The following XYLT1 variants were observed in gnomAD, a reference collection of about 807,000 sequenced individuals.
XYLT1 encodes the protein xylosyltransferase 1.
In XYLT1, 36 loss-of-function variants were observed where a neutral mutation model predicts 91.3. The observed-to-expected ratio is 0.39, with a 90% confidence interval of 0.30 to 0.52. The LOEUF (loss-of-function observed/expected upper bound fraction) is 0.52. Among genes scored for constraint, XYLT1 ranks in the 20% least tolerant of loss-of-function variants. XYLT1 has a pLI of 0.68. For synonymous variants in XYLT1, 588 were observed against 532.0 expected (o/e 1.11, Z -1.45); for missense variants, 1,242 against 1,284.5 (o/e 0.97, Z 0.51).
rs571526104 is a variant in XYLT1 at position 17,427,374 on chromosome 16, C to T, written c.363+43060G>A. Among the ~76,000 whole-genome samples the T allele has an allele frequency of 2.2e-4, 33 of 152,356 alleles. No homozygotes were observed. The South Asian group carries it at 5.8e-3, about 27-fold the overall frequency. ...TGTGCAGTGGTGCGATCTCGCCTCA[C>T]GGCAGCCTCCCAGGCTTAAGCAATC... On this transcript the variant is annotated intron_variant, in intron 1 of 11. Coordinates refer to ENST00000261381, the MANE Select transcript of XYLT1 (RefSeq NM_022166.4).
intron 1 of XYLT1, among the ~76,000 whole-genome samples, chr16:17,430,557 C>A (rs1596541830): frequency 6.6e-6 from 1 of 152,316 alleles, no homozygotes; most frequent in Middle Eastern, 3.4e-3. Context: ...AGGCCCATTC[C>A]TGGAGGGGCC....
intron 5 of XYLT1, among the ~76,000 whole-genome samples, chr16:17,162,133 T>G (rs2031569829): frequency 6.6e-6 from 1 of 152,066 alleles, no homozygotes; most frequent in Admixed American, 6.6e-5. Context: ...TTTGGCTGGG[T>G]GTGGTAGCTC....
chr16:17,125,440 T>A (rs2030226222), intron 10 of XYLT1, among the ~76,000 whole-genome samples: 1 of 152,168 alleles, frequency 6.6e-6, no homozygotes, highest in Non-Finnish European at 1.5e-5. Context: ...GAGGCCTCTT[T>A]CCTACCAGTT....
chr16:17,235,889 C>CA (rs1256841520), intron 3 of XYLT1, among the ~76,000 whole-genome samples: 1 of 152,136 alleles, frequency 6.6e-6, no homozygotes, highest in Admixed American at 6.5e-5. Context: ...ATTATTGAGA[C>CA]AGAGTCTTGC....
Position 17,198,398 on chromosome 16 carries a change from T to A in XYLT1, c.1103A>T (p.His368Leu), listed in dbSNP as rs760529631. ...CCTGGAGACCTGGAGCACTTGCCGA[T>A]GCAGGTAATTAGAGCGCTTTTCCCA... ...IHVDKRSNYL[H>L]RQVLQVSRQY... The change falls in exon 5 of 12, where the codon CAT becomes CTT. Residue 368 changes from histidine to leucine, a missense_variant. His to Leu is a moderately conservative substitution (Grantham distance 99). Coordinates refer to ENST00000261381, the MANE Select transcript of XYLT1 (RefSeq NM_022166.4). The A allele has an allele frequency of 6.2e-7, 1 of 1,614,144 alleles. No individual in the cohort carries two copies. The highest frequency in any genetic ancestry group is 1.1e-5 in the South Asian group (1 of 91,078).
At position 17,385,531 on chromosome 16, in the gene XYLT1, C is replaced by A. The variant is rs534355395; in HGVS notation, c.364-27481G>T. 4.7e-4 allele frequency among the ~76,000 whole-genome samples: 72 copies of A among 151,992 alleles called. 3 individuals are homozygous for A. The South Asian group carries it at 0.014, about 29-fold the overall frequency. On this transcript the variant is annotated intron_variant, in intron 1 of 11. Transcript: ENST00000261381. ...AAAATTTGCAAATGCATTTTTGACA[C>A]AATACACGGTATTCTGTAACGTTTC...
At chr16:17,119,121 T>G (rs1252517792) in intron 10 of XYLT1, among the ~76,000 whole-genome samples, 1 of 152,216 alleles carries the variant, frequency 6.6e-6, no homozygotes. Context: ...AAGCTCTGTG[T>G]GAACAGGGGT....
intron 10 of XYLT1, among the ~76,000 whole-genome samples, chr16:17,123,265 T>C (rs185160417): frequency 2.5e-4 from 38 of 152,342 alleles, no homozygotes; most frequent in African/African-American, 8.7e-4. Context: ...GCAGTTTTCC[T>C]TGTAGAGGTC....
At chr16:17,125,843 C>T (rs2030242694) in intron 10 of XYLT1, among the ~76,000 whole-genome samples, 1 of 152,166 alleles carries the variant, frequency 6.6e-6, no homozygotes, top group African/African-American at 2.4e-5. Context: ...ACAATCCCTC[C>T]TGAACCTGGC....
intron 3 of XYLT1, among the ~76,000 whole-genome samples, chr16:17,256,608 C>A (rs910544188): frequency 2.0e-4 from 30 of 151,158 alleles, no homozygotes; most frequent in African/African-American, 7.3e-4. Context: ...CGAGATCATG[C>A]CACTGCACTC....
At chr16:17,379,763 T>TCTCACACACACACACACA (rs373354877) in intron 1 of XYLT1, among the ~76,000 whole-genome samples, 1 of 125,544 alleles carries the variant, frequency 8.0e-6, no homozygotes, top group Admixed American at 8.0e-5. Flanking sequence ...TCTCTCTCTC[T>TCTCACACACACACACACA]CACACACACA....
chr16:17,281,391 T>C (rs977865476), intron 2 of XYLT1, among the ~76,000 whole-genome samples: 2 of 152,320 alleles, frequency 1.3e-5, no homozygotes, highest in South Asian at 2.1e-4. Flanking sequence ...CTGTGGACCC[T>C]GCTCCCACCA....
At chr16:17,276,058 G>GGA (rs1293282858) in intron 2 of XYLT1, among the ~76,000 whole-genome samples, 2 of 152,176 alleles carry the variant, frequency 1.3e-5, no homozygotes, top group African/African-American at 4.8e-5. Context: ...TTTGGGGTGG[G>GGA]GAGAGAGAGA....
At chr16:17,272,317 C>T (rs940891432) in intron 2 of XYLT1, among the ~76,000 whole-genome samples, 1 of 151,922 alleles carries the variant, frequency 6.6e-6, no homozygotes, top group African/African-American at 2.4e-5. Context: ...TGCGCATCAC[C>T]ATGCCCGGCT....
chr16:17,422,504 A>G (rs535140620), intron 1 of XYLT1, among the ~76,000 whole-genome samples: 1 of 148,666 alleles, frequency 6.7e-6, no homozygotes, highest in Admixed American at 6.7e-5. Context: ...TGGCCCACAA[A>G]TTTTACTTTA....
intron 11 of XYLT1, among the ~76,000 whole-genome samples, chr16:17,110,859 GC>G (rs1219114572): frequency 6.6e-6 from 1 of 152,082 alleles, no homozygotes; most frequent in Non-Finnish European, 1.5e-5. Flanking sequence ...TTTCACTCAT[GC>G]AAAAATTCAA....
chr16:17,450,877 A>G (rs1320660181), intron 1 of XYLT1, among the ~76,000 whole-genome samples: 1 of 152,170 alleles, frequency 6.6e-6, no homozygotes, highest in Non-Finnish European at 1.5e-5. Flanking sequence ...TCAAAATCAA[A>G]CACCTTAGGA....
chr16:17,391,049 AAC>A (rs1417120545), intron 1 of XYLT1, among the ~76,000 whole-genome samples: 1 of 152,094 alleles, frequency 6.6e-6, no homozygotes, highest in African/African-American at 2.4e-5. Context: ...AAAGAAAAAA[AAC>A]AAAAACAAAC....
rs1035421628 is a variant in XYLT1, at chr16:17,360,082, G to A, written c.364-2032C>T. Among the ~76,000 whole-genome samples the A allele has an allele frequency of 7.9e-5, 12 of 152,100 alleles. 1 individual carries two copies. The highest frequency in any genetic ancestry group is 1.0e-4 in the Non-Finnish European group (7 of 68,026). The stretch of plus-strand genomic sequence containing the variant: ...CTGTCCATTCAGATCTTACCACCTC[G>A]ATTTTGATTATAAGATAAGAAGCTG... On this transcript the variant is annotated intron_variant, in intron 1 of 11. Coordinates refer to ENST00000261381, the MANE Select transcript of XYLT1 (RefSeq NM_022166.4).
Sources: gnomAD v4.1 joint callset for allele counts (sites outside exome capture counted in the v4.1 genomes callset) on GRCh38, gnomAD v4.1.1 for gene constraint, MANE v1.5 for transcripts, NCBI Gene and HGNC (gene_info 2026-07-23, HGNC 2026-07-21) for gene names.